The following SAMMSON variants were observed in gnomAD, a reference collection of about 807,000 sequenced individuals.
SAMMSON encodes survival associated mitochondrial melanoma specific oncogenic non-coding RNA.
rs186932038 is a variant in SAMMSON at position 70,296,885 on chromosome 3, T to C, written n.739+5642T>C. Among the ~76,000 whole-genome samples, 187 of 152,148 alleles carry C rather than the reference T, an allele frequency of 1.2e-3. 1 individual carries two copies. The highest frequency in any genetic ancestry group is 4.4e-3 in the African/African-American group (181 of 41,528). On this transcript the variant is annotated intron_variant and non_coding_transcript_variant, in intron 7 of 9. Coordinates refer to ENST00000642114, the Ensembl canonical transcript of SAMMSON. Reference sequence around the variant, plus strand: ...TCTGTGCTTAGTGCCATTTAATGTTTCCCATTGCCCTTAGAGTAAACTTTC... The same window carrying C: ...TCTGTGCTTAGTGCCATTTAATGTTCCCCATTGCCCTTAGAGTAAACTTTC...
intron 7 of SAMMSON, among the ~76,000 whole-genome samples, chr3:70,308,663 G>A (rs999358199): frequency 1.1e-4 from 16 of 152,142 alleles, no homozygotes; most frequent in Admixed American, 3.3e-4. Context: ...GAGTGCAGGA[G>A]AGTATTTCTT....
intron 2 of SAMMSON, among the ~76,000 whole-genome samples, chr3:70,422,973 A>G (rs954803968): frequency 2.0e-5 from 3 of 152,040 alleles, no homozygotes; most frequent in Non-Finnish European, 4.4e-5. Flanking sequence ...TTGTATATTT[A>G]TAATAAAATT....
intron 4 of SAMMSON, among the ~76,000 whole-genome samples, chr3:70,224,241 G>A (rs538231720): frequency 3.9e-5 from 6 of 152,278 alleles, no homozygotes; most frequent in South Asian, 4.1e-4. Flanking sequence ...TCCCAGCCAA[G>A]GTTTCTACAT....
chr3:70,433,338 T>C (rs1237061641), intron 2 of SAMMSON, among the ~76,000 whole-genome samples: 3 of 152,166 alleles, frequency 2.0e-5, no homozygotes, highest in African/African-American at 7.2e-5. Flanking sequence ...TAACAGTGTT[T>C]TGGATTTCAG....
chr3:70,062,879 G>A (rs2067195637), intron 3 of SAMMSON, among the ~76,000 whole-genome samples: 1 of 152,054 alleles, frequency 6.6e-6, no homozygotes, highest in African/African-American at 2.4e-5. Flanking sequence ...AGTTAGTATT[G>A]GCATCAGTTG....
intron 2 of SAMMSON, among the ~76,000 whole-genome samples, chr3:70,428,701 T>C (rs1410536952): frequency 6.6e-6 from 1 of 152,186 alleles, no homozygotes; most frequent in Non-Finnish European, 1.5e-5. Context: ...AGTCCTGGCA[T>C]TGGAAATAGT....
intron 6 of SAMMSON, among the ~76,000 whole-genome samples, chr3:70,283,250 T>C (rs948622514): frequency 2.0e-4 from 31 of 152,096 alleles, no homozygotes; most frequent in African/African-American, 7.5e-4. Context: ...GGGAACCTTG[T>C]AAACTCATGC....
intron 6 of SAMMSON, among the ~76,000 whole-genome samples, chr3:70,266,850 C>T (rs1391993495): frequency 3.3e-5 from 5 of 152,150 alleles, no homozygotes; most frequent in Non-Finnish European, 2.9e-5. Flanking sequence ...ATAGTGAACA[C>T]CATTAAGGGA....
intron 7 of SAMMSON, among the ~76,000 whole-genome samples, chr3:70,310,468 C>T (rs879901212): frequency 4.6e-5 from 7 of 152,012 alleles, no homozygotes; most frequent in Middle Eastern, 3.4e-3. Context: ...CCAGTTCAAG[C>T]GATTATCCTG....
intron 2 of SAMMSON, among the ~76,000 whole-genome samples, chr3:70,404,061 ATGTGT>A (rs1701161429): frequency 1.3e-5 from 2 of 152,132 alleles, no homozygotes; most frequent in South Asian, 2.1e-4. Context: ...AATCTTTAAA[ATGTGT>A]TGTGAATAGG....
rs570475638 is a variant in SAMMSON, at chr3:70,068,831, T to C, written n.418-2645T>C. 3 of 152,248 alleles carry C rather than the reference T, an allele frequency of 2.0e-5. No homozygotes were observed. In the South Asian group the frequency reaches 6.2e-4, roughly 32 times the overall value. The allele number at this position is 152,248 out of a possible 1,614,324, so 9.4% of individuals were successfully genotyped here. ...ACAATATCCCAGTCTTCTAAATGAC[T>C]TCAGGATTATGGAGAGGCCCCTTTA... On this transcript the variant is annotated intron_variant and non_coding_transcript_variant, in intron 3 of 9. Coordinates refer to ENST00000642114, the Ensembl canonical transcript of SAMMSON.
chr3:70,187,487 G>C (rs1048012234), intron 4 of SAMMSON, among the ~76,000 whole-genome samples: 6 of 137,334 alleles, frequency 4.4e-5, no homozygotes, highest in African/African-American at 1.7e-4. Flanking sequence ...GCCCAGGCTG[G>C]AGTGCAGTGG....
downstream of SAMMSON, among the ~76,000 whole-genome samples, chr3:70,390,973 A>G (rs1393501296): frequency 6.6e-6 from 1 of 152,128 alleles, no homozygotes; most frequent in East Asian, 1.9e-4. Flanking sequence ...TGACAAATTC[A>G]TGTTAAGTTG....
chr3:70,047,694 C>T (rs78769744), intron 3 of SAMMSON, among the ~76,000 whole-genome samples: 2,068 of 152,142 alleles, frequency 0.014, 22 homozygotes, highest in Middle Eastern at 0.051. Flanking sequence ...TATAGAAAAA[C>T]ACCTGAGACT....
At chr3:70,132,650 C>G (rs954832255) in intron 4 of SAMMSON, among the ~76,000 whole-genome samples, 1 of 151,732 alleles carries the variant, frequency 6.6e-6, no homozygotes, top group South Asian at 2.1e-4. Flanking sequence ...TTCCAAATTT[C>G]GGAACCTTGG....
intron 2 of SAMMSON, among the ~76,000 whole-genome samples, chr3:70,413,058 A>G (rs1375984248): frequency 6.6e-6 from 1 of 152,116 alleles, no homozygotes; most frequent in Non-Finnish European, 1.5e-5. Flanking sequence ...ACCTTAAAAG[A>G]AGTCTTAAAA....
intron 3 of SAMMSON, among the ~76,000 whole-genome samples, chr3:70,043,374 C>T (rs937252222): frequency 2.6e-5 from 4 of 151,944 alleles, no homozygotes; most frequent in Non-Finnish European, 4.4e-5. Context: ...ATCATTTTTA[C>T]GTTAGTTCAT....
chr3:70,160,333 A>G (rs2067609801), intron 4 of SAMMSON, among the ~76,000 whole-genome samples: 1 of 151,890 alleles, frequency 6.6e-6, no homozygotes, highest in African/African-American at 2.4e-5. Flanking sequence ...GTTGTGAGGT[A>G]AGGATTTCCT....
intron 4 of SAMMSON, among the ~76,000 whole-genome samples, chr3:70,118,025 C>G (rs1005745887): frequency 1.3e-5 from 2 of 152,188 alleles, no homozygotes; most frequent in African/African-American, 4.8e-5. Flanking sequence ...TCACACCACT[C>G]TCCTGCCTCA....
Sources: allele counts gnomAD v4.1 joint callset (sites outside exome capture counted in the v4.1 genomes callset), GRCh38; gene constraint gnomAD v4.1.1; transcripts MANE v1.5; gene names NCBI Gene and HGNC (gene_info 2026-07-23, HGNC 2026-07-21).